Variants in USP42 observed in about 807,000 individuals in gnomAD.
USP42 encodes ubiquitin specific peptidase 42.
In USP42, 23 loss-of-function variants were observed where a neutral mutation model predicts 113.0. The ratio of observed to expected loss-of-function variants is 0.20; its 90% confidence interval spans 0.15 to 0.29. The LOEUF (loss-of-function observed/expected upper bound fraction) is 0.29, where lower values mean the gene tolerates loss of function less well. Among genes scored for constraint, USP42 ranks in the 10% least tolerant of loss-of-function variants. The pLI is 1.00. For synonymous variants in USP42, 933 were observed against 699.0 expected (o/e 1.33, Z -5.28); for missense variants, 2,174 against 1,779.8 (o/e 1.22, Z -3.99).
Position 6,154,696 on chromosome 7 carries a change from A to T in USP42, c.3142A>T (p.Lys1048Ter), listed in dbSNP as rs529510326. ...GGGCGAGCGTGGCTGGGGCCGGGAG[A>T]AGTTCTACCCCGACAGGCCGCGCTG... Reference protein sequence around the residue: ...TEGERGWGREKFYPDRPRWDR... With the variant: ...TEGERGWGRE Residue 1048 changes from lysine (K) to a stop codon, truncating the protein, a stop_gained, in exon 15 of 18, where the codon AAG becomes TAG. Transcript: ENST00000306177. LOFTEE classifies it high-confidence loss of function. 23 of 1,602,800 alleles carry T rather than the reference A, an allele frequency of 1.4e-5. No homozygotes were observed. Among genetic ancestry groups the T allele is most frequent in the Admixed American group, 3.4e-5 (2 of 59,132 alleles).
the USP42 span, among the ~76,000 whole-genome samples, chr7:6,082,603 G>GTTTTTTTTTTTTTT: frequency 1.3e-4 from 12 of 90,192 alleles, 1 homozygote; most frequent in African/African-American, 2.1e-4. Flanking sequence ...CTTTCTTTCT[G>GTTTTTTTTTTTTTT]TTTTTTTTTT....
At chr7:6,122,924 A>T (rs1244463499) in intron 3 of USP42, among the ~76,000 whole-genome samples, 2 of 151,174 alleles carry the variant, frequency 1.3e-5, no homozygotes, top group African/African-American at 4.9e-5. Context: ...TTCAAGTTCA[A>T]GTGATTCTCA....
upstream of USP42, among the ~76,000 whole-genome samples, chr7:6,100,411 C>T (rs895622241): frequency 3.3e-5 from 5 of 150,780 alleles, no homozygotes; most frequent in Non-Finnish European, 5.9e-5. Context: ...CTCATTTCAA[C>T]CTCCGCCTCC....
intron 2 of USP42, among the ~76,000 whole-genome samples, chr7:6,113,901 A>G (rs1417919371): frequency 2.6e-5 from 4 of 152,098 alleles, no homozygotes; most frequent in South Asian, 2.1e-4. Flanking sequence ...GATTACAGGC[A>G]TGAGCCACTG....
the USP42 span, among the ~76,000 whole-genome samples, chr7:6,086,679 CCCCCTTCCCTTT>C: frequency 7.1e-6 from 1 of 141,386 alleles, no homozygotes; most frequent in African/African-American, 2.6e-5. Flanking sequence ...CCCTTCCCTT[CCCCCTTCCCTTT>C]CCCCTTTCCT....
chr7:6,135,910 G>A lies in USP42; in HGVS notation c.512G>A (p.Gly171Glu), dbSNP rs763062447. The A allele has an allele frequency of 6.2e-7, 1 of 1,610,644 alleles. No homozygotes were observed. Among genetic ancestry groups the A allele is most frequent in the Non-Finnish European group, 8.5e-7 (1 of 1,178,498 alleles). Reference sequence around the variant, plus strand: ...ATTACCCAGGCACTCAGTAATCCTGGGGACGTTATTAAACCAATGTTTGTC... The same window carrying A: ...ATTACCCAGGCACTCAGTAATCCTGAGGACGTTATTAAACCAATGTTTGTC... ...AHITQALSNP[G>E]DVIKPMFVIN... is the part of the protein sequence containing the mutation. The change falls in exon 4 of 18, where the codon GGG becomes GAG. Residue 171 changes from glycine to glutamate, a missense_variant. By Grantham distance (98) the Gly-to-Glu change is moderately conservative. Transcript: ENST00000306177.
At chr7:6,088,501 C>T in the USP42 span, among the ~76,000 whole-genome samples, 14 of 151,270 alleles carry the variant, frequency 9.3e-5, no homozygotes, top group African/African-American at 3.2e-4. Flanking sequence ...CAGGTGATCA[C>T]CCGCCTTGGT....
intron 3 of USP42, among the ~76,000 whole-genome samples, chr7:6,124,702 C>T (rs1158362106): frequency 6.6e-6 from 1 of 152,098 alleles, no homozygotes; most frequent in African/African-American, 2.4e-5. Flanking sequence ...AATCTACCAT[C>T]TTGCTATTTT....
chr7:6,106,390 C>A (rs193171585), intron 1 of USP42, among the ~76,000 whole-genome samples: 1 of 152,178 alleles, frequency 6.6e-6, no homozygotes, highest in South Asian at 2.1e-4. Flanking sequence ...GCCACAGTGT[C>A]TAAATAGTGA....
At chr7:6,119,844 C>G (rs1780115861) in intron 3 of USP42, among the ~76,000 whole-genome samples, 2 of 152,152 alleles carry the variant, frequency 1.3e-5, no homozygotes, top group Non-Finnish European at 2.9e-5. Flanking sequence ...GCCAGGACTA[C>G]AGGCATGTGC....
rs572998831 is a variant in USP42, at chr7:6,125,422, G to A, written c.442+9899G>A. Among the ~76,000 whole-genome samples the A allele has an allele frequency of 3.3e-5, 5 of 152,150 alleles. No individual in the cohort carries two copies. The South Asian group carries it at 8.3e-4, about 25-fold the overall frequency. On this transcript the variant is annotated intron_variant, in intron 3 of 17. Transcript: ENST00000306177. Reference sequence around the variant, plus strand: ...GGAGAATCGCTTGAACCTTGGAAGCGGGGGTTGCAGTGAGCCAAGAACACA... The same window carrying A: ...GGAGAATCGCTTGAACCTTGGAAGCAGGGGTTGCAGTGAGCCAAGAACACA...
intron 8 of USP42, among the ~76,000 whole-genome samples, chr7:6,143,591 TATTGTCAA>T (rs1282746426): frequency 1.3e-5 from 2 of 152,186 alleles, no homozygotes; most frequent in Non-Finnish European, 2.9e-5. Flanking sequence ...GTAATTTTTT[TATTGTCAA>T]ATCTTCAAGA....
chr7:6,149,656 A>G lies in USP42; in HGVS notation c.1460A>G (p.Asn487Ser). The change falls in exon 13 of 18, where the codon AAT (asparagine) becomes AGT (serine). Residue 487 changes from asparagine (N) to serine (S), a missense_variant. Transcript: ENST00000306177. ...PSSSMSSPNG[N>S]SSVNRASPVN... is the part of the protein sequence containing the mutation. ...AGTTCCATGTCGAGTCCTAACGGGAATTCCAGTGTCAACAGGGCTAGTCCT... is the reference window on the plus strand; with the variant it reads ...AGTTCCATGTCGAGTCCTAACGGGAGTTCCAGTGTCAACAGGGCTAGTCCT... 1 of 1,613,990 alleles carries G rather than the reference A, an allele frequency of 6.2e-7. No homozygotes were observed. The highest frequency in any genetic ancestry group is 2.2e-5 in the East Asian group (1 of 44,876).
At chr7:6,144,514 GAA>G (rs1781596381) in intron 9 of USP42, among the ~76,000 whole-genome samples, 1 of 152,142 alleles carries the variant, frequency 6.6e-6, no homozygotes, top group Admixed American at 6.5e-5. Context: ...TCTGAAGATT[GAA>G]AGTGGTCAAA....
chr7:6,122,270 C>T (rs1442948081), intron 3 of USP42, among the ~76,000 whole-genome samples: 8 of 147,844 alleles, frequency 5.4e-5, no homozygotes, highest in African/African-American at 2.0e-4. Context: ...GTTGATATGT[C>T]ATGTGTCAGT....
At chr7:6,141,640 C>T (rs1781439120) in intron 7 of USP42, among the ~76,000 whole-genome samples, 1 of 151,674 alleles carries the variant, frequency 6.6e-6, no homozygotes, top group African/African-American at 2.4e-5. Flanking sequence ...CTCACTGCAT[C>T]CTCCACCTCC....
the USP42 span, among the ~76,000 whole-genome samples, chr7:6,093,363 G>A: frequency 2.0e-5 from 3 of 149,348 alleles, no homozygotes; most frequent in Non-Finnish European, 4.4e-5. Flanking sequence ...TCAGCTCACT[G>A]CAACCTCCAC....
chr7:6,113,810 A>C (rs949416087), intron 2 of USP42, among the ~76,000 whole-genome samples: 1 of 151,868 alleles, frequency 6.6e-6, no homozygotes, highest in African/African-American at 2.4e-5. Context: ...TTTAGTAGAG[A>C]CAGGGTTTCA....
rs1456710023 is a variant in USP42, at chr7:6,150,161, G to T, written c.1965G>T (p.Met655Ile). Residue 655 changes from methionine (M) to isoleucine (I), a missense_variant, in exon 13 of 18, where the codon ATG becomes ATT. Physicochemically the swap from Met to Ile is conservative, Grantham distance 10. Transcript: ENST00000306177. ...CTCCGCACGAGCTTCAAGAACCCAT[G>T]ACCCTAAACGGTGCTAATAGTGCAG... ...EATPHELQEP[M>I]TLNGANSADS... The T allele has an allele frequency of 6.2e-7, 1 of 1,613,870 alleles. No homozygotes were observed. Among genetic ancestry groups the T allele is most frequent in the Non-Finnish European group, 8.5e-7 (1 of 1,179,832 alleles).
Sources: allele counts gnomAD v4.1 joint callset (sites outside exome capture counted in the v4.1 genomes callset), GRCh38; gene constraint gnomAD v4.1.1; transcripts MANE v1.5; gene names NCBI Gene and HGNC (gene_info 2026-07-23, HGNC 2026-07-21).